DPP10: variants seen among roughly 807,000 people sequenced by gnomAD.
DPP10 encodes the protein dipeptidyl peptidase like 10.
Under a neutral mutation model 120.9 loss-of-function variants are expected in DPP10, and 33 were observed. The ratio of observed to expected loss-of-function variants is 0.27; its 90% CI spans 0.21 to 0.37. The LOEUF (loss-of-function observed/expected upper bound fraction) is 0.37, where lower values mean the gene tolerates loss of function less well. Among genes scored for constraint, DPP10 ranks in the 10% least tolerant of loss-of-function variants. DPP10 has a pLI of 1.00. For synonymous variants in DPP10, 337 were observed against 326.1 expected, an observed-to-expected ratio of 1.03 and a Z score of -0.36; for missense variants, 816 against 942.8, an observed-to-expected ratio of 0.87 and a Z score of 1.76.
chr2:115,229,456 A>G (rs945180196), intron 1 of DPP10, among the ~76,000 whole-genome samples: 2 of 152,098 alleles, frequency 1.3e-5, no homozygotes, highest in Admixed American at 1.3e-4. Flanking sequence ...TGCCAACTAC[A>G]ATGTCCTGAT....
At chr2:115,551,879 A>T (rs1483871071) in intron 5 of DPP10, among the ~76,000 whole-genome samples, 74 of 152,290 alleles carry the variant, frequency 4.9e-4, no homozygotes, top group African/African-American at 2.4e-5. Flanking sequence ...AGTTGGTTAA[A>T]AAAAGCTAGT....
chr2:115,689,555 G>T lies in DPP10; in HGVS notation c.442-132G>T, dbSNP rs572881618. ...CACAGAGAGGGTGATAAACTTCTGA[G>T]CTAGAATGTTTTATATTTTCATTTC... On this transcript the variant is annotated intron_variant, in intron 5 of 25. Coordinates refer to ENST00000410059, the MANE Select transcript of DPP10 (RefSeq NM_020868.6). The T allele has an allele frequency of 1.5e-4, 103 of 667,800 alleles. 2 individuals are homozygous for T. Among genetic ancestry groups the T allele is most frequent in the African/African-American group, 1.2e-3 (68 of 55,080 alleles). The allele number at this position is 667,800 out of a possible 1,614,324, so 41.4% of individuals were successfully genotyped here. A position where few individuals can be genotyped will look rare whatever the true frequency, so the allele number is the denominator to read the frequency against.
At chr2:115,410,462 A>G (rs2068861482) in intron 3 of DPP10, among the ~76,000 whole-genome samples, 1 of 152,140 alleles carries the variant, frequency 6.6e-6, no homozygotes, top group Non-Finnish European at 1.5e-5. Context: ...GGAACAACAC[A>G]CACTGGGGCC....
At chr2:115,769,166 G>A (rs1394622131) in intron 13 of DPP10, among the ~76,000 whole-genome samples, 1 of 151,982 alleles carries the variant, frequency 6.6e-6, no homozygotes, top group Non-Finnish European at 1.5e-5. Context: ...AAATAATCTA[G>A]TCTCACACAC....
intron 1 of DPP10, among the ~76,000 whole-genome samples, chr2:114,805,467 T>C (rs1444663307): frequency 6.6e-6 from 1 of 152,142 alleles, no homozygotes; most frequent in Non-Finnish European, 1.5e-5. Flanking sequence ...ACTAAGTTGT[T>C]CTTGGTTACC....
chr2:114,758,695 G>A (rs1680009975), intron 1 of DPP10, among the ~76,000 whole-genome samples: 1 of 152,064 alleles, frequency 6.6e-6, no homozygotes, highest in Non-Finnish European at 1.5e-5. Context: ...TTAAAAAAAA[G>A]GCTAAATTAG....
intron 1 of DPP10, among the ~76,000 whole-genome samples, chr2:114,993,110 T>C (rs1448341475): frequency 6.6e-6 from 1 of 152,192 alleles, no homozygotes; most frequent in East Asian, 1.9e-4. Flanking sequence ...GTCTGTCACT[T>C]CTTAGAATCA....
chr2:115,157,475 A>G (rs1395615099), intron 1 of DPP10, among the ~76,000 whole-genome samples: 1 of 152,214 alleles, frequency 6.6e-6, no homozygotes, highest in Non-Finnish European at 1.5e-5. Context: ...AAAGAAACTC[A>G]AAACAGAATG....
intron 1 of DPP10, among the ~76,000 whole-genome samples, chr2:115,301,056 G>A (rs966412565): frequency 6.6e-6 from 1 of 151,996 alleles, no homozygotes; most frequent in Non-Finnish European, 1.5e-5. Context: ...CCCTGGGCCT[G>A]TGTGTGTGGT....
intron 1 of DPP10, among the ~76,000 whole-genome samples, chr2:114,956,125 C>A (rs1258302348): frequency 6.6e-6 from 1 of 151,892 alleles, no homozygotes; most frequent in African/African-American, 2.4e-5. Context: ...GAACAAAAAA[C>A]ATTCAAAAAG....
chr2:115,230,752 A>G (rs1040609929), intron 1 of DPP10, among the ~76,000 whole-genome samples: 3 of 152,052 alleles, frequency 2.0e-5, no homozygotes, highest in Admixed American at 6.6e-5. Flanking sequence ...AAAAAAATTA[A>G]TTATGAAAAA....
intron 1 of DPP10, among the ~76,000 whole-genome samples, chr2:115,257,312 A>G (rs2059045365): frequency 6.6e-6 from 1 of 152,042 alleles, no homozygotes; most frequent in Admixed American, 6.5e-5. Context: ...GTAAAGAAAT[A>G]CCTCAGATGG....
rs576670473 is a variant in DPP10 at position 115,242,184 on chromosome 2, C to T, written c.61-67055C>T. On this transcript the variant is annotated intron_variant, in intron 1 of 25. Transcript: ENST00000410059. ...CCCTTTCCCCCTGAGTCCTCAAAGT[C>T]CATTGTATCATTCTTATGTCTTTGC... Among the ~76,000 whole-genome samples the T allele has an allele frequency of 2.6e-5, 4 of 152,186 alleles. No individual in the cohort carries two copies. The South Asian group carries it at 8.3e-4, about 32-fold the overall frequency.
chr2:115,092,722 T>C (rs1423064657), intron 1 of DPP10, among the ~76,000 whole-genome samples: 1 of 152,186 alleles, frequency 6.6e-6, no homozygotes, highest in Non-Finnish European at 1.5e-5. Flanking sequence ...CTCAATATTG[T>C]CTTCTGAAGA....
chr2:115,163,289 T>C (rs184821542), intron 1 of DPP10, among the ~76,000 whole-genome samples: 18 of 152,302 alleles, frequency 1.2e-4, no homozygotes, highest in Non-Finnish European at 2.2e-4. Context: ...GTTATTAATA[T>C]TGCAGACTTG....
chr2:114,445,110 A>G (rs1677867210), intron 1 of DPP10, among the ~76,000 whole-genome samples: 1 of 152,184 alleles, frequency 6.6e-6, no homozygotes, highest in South Asian at 2.1e-4. Context: ...GCTGTGGGAC[A>G]TTGGAGCTCA....
chr2:115,062,176 G>A (rs1706471575), intron 1 of DPP10, among the ~76,000 whole-genome samples: 1 of 150,368 alleles, frequency 6.7e-6, no homozygotes, highest in African/African-American at 2.5e-5. Flanking sequence ...GTGTATGTGT[G>A]TGCATGGCTA....
intron 1 of DPP10, among the ~76,000 whole-genome samples, chr2:115,103,184 CTT>C (rs71394123): frequency 1.3e-4 from 16 of 122,150 alleles, no homozygotes; most frequent in African/African-American, 4.2e-4. Context: ...CTGATTCTCT[CTT>C]TTTTTTTTTT....
At chr2:114,919,669 A>T (rs918458019) in intron 1 of DPP10, among the ~76,000 whole-genome samples, 12 of 152,208 alleles carry the variant, frequency 7.9e-5, no homozygotes, top group African/African-American at 2.9e-4. Context: ...AGTTCTGGTT[A>T]AAAAATTGCT....
Sources: gnomAD v4.1 joint callset for allele counts (sites outside exome capture counted in the v4.1 genomes callset) on GRCh38, gnomAD v4.1.1 for gene constraint, MANE v1.5 for transcripts, NCBI Gene and HGNC (gene_info 2026-07-23, HGNC 2026-07-21) for gene names.